Variants in LY75 observed in about 807,000 individuals in gnomAD.
The protein encoded by LY75 is C-type lectin domain family 13 member B.
A neutral mutation model predicts 231.7 loss-of-function variants in LY75; 185 were observed. The ratio of observed to expected loss-of-function variants is 0.80; its 90% CI spans 0.71 to 0.90. The LOEUF (loss-of-function observed/expected upper bound fraction) is 0.90. LY75 is among the 40% of genes least tolerant of loss of function. LY75 has a pLI of 0.00. For synonymous variants in LY75, 668 were observed against 689.0 expected (o/e 0.97, Z 0.48); for missense variants, 1,947 against 2,050.2 (o/e 0.95, Z 0.97).
intron 2 of LY75, among the ~76,000 whole-genome samples, chr2:159,895,103 T>C (rs1685874426): frequency 6.6e-6 from 1 of 152,226 alleles, no homozygotes; most frequent in East Asian, 1.9e-4. Flanking sequence ...AAAAGTGTGC[T>C]TAAGACAGTA....
In LY75 at chr2:159,810,612, C is replaced by T. The variant is rs749646788; in HGVS notation, c.4613G>A (p.Arg1538Gln). 5.0e-6 allele frequency: 8 copies of T among 1,614,052 alleles called. No homozygotes were observed. Among genetic ancestry groups the T allele is most frequent in the East Asian group, 4.5e-5 (2 of 44,874 alleles). The change falls in exon 32 of 35, where the codon CGG becomes CAG. Residue 1538 changes from arginine to glutamine, a missense_variant. By Grantham distance (43) the Arg-to-Gln change is conservative. Coordinates refer to ENST00000263636, the MANE Select transcript of LY75 (RefSeq NM_002349.4). ...RCPAAKENGS[R>Q]WIQYKGHCYK... is the part of the protein sequence containing the mutation. The stretch of plus-strand genomic sequence containing the variant: ...ACAGTGACCCTTGTACTGGATCCAC[C>T]GTGACCCATTCTCTTTTGCTGCTGG...
rs761808720 is a variant in LY75, at chr2:159,858,448, C to G, written c.2297G>C (p.Trp766Ser). ...KVFHRPWRRG[W>S]HFYDDREFIY... ...AAATTCTCTATCATCATAGAAATGC[C>G]AGCCTCTTCGCCATGGCCTATGAAA... The change falls in exon 16 of 35, where the codon TGG (tryptophan) becomes TCG (serine). Residue 766 changes from tryptophan to serine, a missense_variant. Trp to Ser is a radical substitution (Grantham distance 177). Coordinates refer to ENST00000263636, the MANE Select transcript of LY75 (RefSeq NM_002349.4). 2 of 1,613,022 alleles carry G rather than the reference C, an allele frequency of 1.2e-6. No homozygotes were observed. The highest frequency in any genetic ancestry group is 1.7e-6 in the Non-Finnish European group (2 of 1,179,604).
rs745660772 is a variant in LY75 at position 159,834,221 on chromosome 2, G to C, written c.3674-10C>G. 3 of 1,612,766 alleles carry C rather than the reference G, an allele frequency of 1.9e-6. No homozygotes were observed. Among genetic ancestry groups the C allele is most frequent in the Non-Finnish European group, 1.7e-6 (2 of 1,179,602 alleles). ...TCTTTTTCAGTCTCATCTAGAAAAA[G>C]AGTTAATGGTAAGAATTCTAATTTG... On this transcript the variant is annotated splice_polypyrimidine_tract_variant and intron_variant, in intron 26 of 34. Transcript: ENST00000263636.
At chr2:159,844,335 A>C (rs1684132165) in intron 23 of LY75, among the ~76,000 whole-genome samples, 1 of 151,668 alleles carries the variant, frequency 6.6e-6, no homozygotes, top group Non-Finnish European at 1.5e-5. Context: ...AAAAAAAAAA[A>C]AAAAAAAACT....
intron 30 of LY75, among the ~76,000 whole-genome samples, chr2:159,816,452 C>A (rs1343609051): frequency 6.6e-6 from 1 of 152,176 alleles, no homozygotes; most frequent in African/African-American, 2.4e-5. Flanking sequence ...TTAATGATCA[C>A]CCAGCACATA....
At chr2:159,867,836 T>C (rs550007050) in intron 13 of LY75, among the ~76,000 whole-genome samples, 212 of 152,292 alleles carry the variant, frequency 1.4e-3, no homozygotes, top group African/African-American at 5.0e-3. Context: ...TGGGCTGCCA[T>C]TAAGAGTTGC....
At chr2:159,897,473 A>G (rs1685938342) in intron 2 of LY75, among the ~76,000 whole-genome samples, 1 of 119,292 alleles carries the variant, frequency 8.4e-6, no homozygotes. Context: ...AATGATGAAA[A>G]GGAAACCCTA....
At chr2:159,870,881 C>T (rs1227382490) in intron 13 of LY75, among the ~76,000 whole-genome samples, 1 of 152,030 alleles carries the variant, frequency 6.6e-6, no homozygotes, top group East Asian at 1.9e-4. Flanking sequence ...ACCCTTTTTG[C>T]AGTCTAGTTT....
intron 3 of LY75, 119 bp downstream of exon 3, chr2:159,893,795 T>G (rs1685830090): frequency 1.4e-6 from 2 of 1,384,048 alleles, no homozygotes; most frequent in Non-Finnish European, 1.9e-6. Context: ...AAACATACAC[T>G]TCTTATCCGG....
intron 15 of LY75, among the ~76,000 whole-genome samples, chr2:159,860,105 C>T (rs1045960300): frequency 6.6e-6 from 1 of 152,178 alleles, no homozygotes; most frequent in African/African-American, 2.4e-5. Flanking sequence ...GCCTCACTGA[C>T]TCCTTGGACT....
chr2:159,808,259 G>A (rs191128233), intron 33 of LY75, 190 bp downstream of exon 33: 305 of 775,046 alleles, frequency 3.9e-4, no homozygotes, highest in African/African-American at 1.6e-3. Flanking sequence ...AGTGGTTTCC[G>A]TCATTGCTAA....
At chr2:159,876,023 C>T (rs1023182673) in intron 11 of LY75, among the ~76,000 whole-genome samples, 1 of 152,066 alleles carries the variant, frequency 6.6e-6, no homozygotes, top group Non-Finnish European at 1.5e-5. Context: ...TTCAAATTAG[C>T]TTAAAAACTT....
At chr2:159,886,357 T>A in intron 5 of LY75, 63 bp downstream of exon 5, 1 of 1,483,676 alleles carries the variant, frequency 6.7e-7, no homozygotes, top group Non-Finnish European at 9.0e-7. Flanking sequence ...TATTGGTGAG[T>A]GAGAAGCTTT....
chr2:159,868,837 T>C (rs1380436358), intron 13 of LY75, among the ~76,000 whole-genome samples: 4 of 152,178 alleles, frequency 2.6e-5, no homozygotes, highest in Non-Finnish European at 4.4e-5. Flanking sequence ...GATAATATGA[T>C]ATTGTGTGTG....
At chr2:159,823,709 G>T (rs1683371801) in intron 28 of LY75, among the ~76,000 whole-genome samples, 1 of 152,136 alleles carries the variant, frequency 6.6e-6, no homozygotes, top group South Asian at 2.1e-4. Context: ...GAAAGGTCAG[G>T]TTACCCACAA....
chr2:159,873,140 GAAGAAGAAAGAAGA>G (rs149637757), intron 12 of LY75, among the ~76,000 whole-genome samples: 24 of 151,496 alleles, frequency 1.6e-4, no homozygotes, highest in African/African-American at 4.1e-4. Context: ...GAAAAAGAAA[GAAGAAGAAAGAAGA>G]AAGAAGAAAG....
intron 11 of LY75, 103 bp from the exon 12 acceptor site, chr2:159,875,746 A>T (rs75237280): frequency 4.7e-6 from 5 of 1,057,990 alleles, no homozygotes; most frequent in Admixed American, 3.0e-5. Context: ...GAGAGAGAAT[A>T]AAAAAAAAAT....
chr2:159,886,744 T>C (rs533281985), intron 4 of LY75, among the ~76,000 whole-genome samples: 1 of 152,246 alleles, frequency 6.6e-6, no homozygotes, highest in African/African-American at 2.4e-5. Flanking sequence ...TTAATTCAGT[T>C]CTGCTCTCCT....
intron 11 of LY75, among the ~76,000 whole-genome samples, chr2:159,876,688 C>T (rs1314172614): frequency 1.3e-5 from 2 of 151,948 alleles, no homozygotes; most frequent in East Asian, 3.9e-4. Context: ...TTATCAAGAA[C>T]GTCACCTTTA....
Sources: allele counts gnomAD v4.1 joint callset (sites outside exome capture counted in the v4.1 genomes callset), GRCh38; gene constraint gnomAD v4.1.1; transcripts MANE v1.5; gene names NCBI Gene and HGNC (gene_info 2026-07-23, HGNC 2026-07-21).